OR12D2: variants seen among roughly 807,000 people sequenced by gnomAD.
OR12D2 encodes the protein olfactory receptor 12D2.
For missense variants in OR12D2, 345 were observed against 371.6 expected (o/e 0.93, Z 0.59); for synonymous variants, 146 against 142.3 (o/e 1.03, Z -0.19).
At position 29,397,390 on chromosome 6, in the gene OR12D2, A is replaced by G. The variant is rs1481154907; in HGVS notation, c.691A>G (p.Ser231Gly). 6 of 1,613,048 alleles carry G rather than the reference A, an allele frequency of 3.7e-6. No homozygotes were observed. The highest frequency in any genetic ancestry group is 2.2e-5 in the South Asian group (2 of 91,074). ...TYLFFKTRSC[S>G]MLCKALSTCA... ...TCTCTTCTTCAAGACCCGTTCTTGT[A>G]GCATGCTCTGTAAAGCACTGTCCAC... Residue 231 changes from serine (S) to glycine (G), a missense_variant, in exon 2 of 2, where the codon AGC (serine) becomes GGC (glycine). Physicochemically the swap from Ser to Gly is moderately conservative, Grantham distance 56. Transcript: ENST00000642051.
intron 1 of OR12D2, among the ~76,000 whole-genome samples, chr6:29,396,379 G>T (rs1244168010): frequency 6.6e-6 from 1 of 152,134 alleles, no homozygotes; most frequent in Non-Finnish European, 1.5e-5. Flanking sequence ...GATAGGAAAG[G>T]AAAGTTGTAA....
In OR12D2 at chr6:29,397,601, G is replaced by A; in HGVS notation, c.902G>A (p.Gly301Asp). 1.2e-6 allele frequency: 2 copies of A among 1,612,600 alleles called. No individual in the cohort carries two copies. The highest frequency in any genetic ancestry group is 1.1e-5 in the South Asian group (1 of 91,038). Reference protein sequence around the residue: ...LRNKEVKGALGRVIRRL With the variant: ...LRNKEVKGALDRVIRRL ...AACAAGGAAGTGAAGGGGGCCTTGG[G>A]TAGAGTGATCAGAAGGCTTTGATTT... is the stretch of plus-strand genomic sequence containing the variant. Residue 301 changes from glycine (G) to aspartate (D), a missense_variant, in exon 2 of 2, where the codon GGT (glycine) becomes GAT (aspartate). Gly to Asp is a moderately conservative substitution (Grantham distance 94). Coordinates refer to ENST00000642051, the MANE Select transcript of OR12D2 (RefSeq NM_013936.4).
Position 29,397,476 on chromosome 6 carries a change from C to G in OR12D2, c.777C>G (p.Ile259Met). Residue 259 changes from isoleucine to methionine, a missense_variant, in exon 2 of 2, where the codon ATC becomes ATG. Ile to Met is a conservative substitution (Grantham distance 10). Transcript: ENST00000642051. ...LFYAPVLFTYIHPALESFMDQ... is the reference protein window; with the variant it reads ...LFYAPVLFTYMHPALESFMDQ... ...ATGCACCTGTTCTTTTCACCTATAT[C>G]CATCCTGCGTTAGAGAGCTTCATGG... 1 of 1,613,056 alleles carries G rather than the reference C, an allele frequency of 6.2e-7. No homozygotes were observed. The highest frequency in any genetic ancestry group is 8.5e-7 in the Non-Finnish European group (1 of 1,180,028).
intron 1 of OR12D2, 84 bp from the exon 2 acceptor site, chr6:29,396,613 TC>T (rs1455860644): frequency 9.2e-7 from 1 of 1,084,838 alleles, no homozygotes; most frequent in Non-Finnish European, 1.4e-6. Flanking sequence ...CTTCCAAGTA[TC>T]TTTGGCTTGG....
Position 29,396,836 on chromosome 6 carries a change from T to C in OR12D2, c.137T>C (p.Ile46Thr), listed in dbSNP as rs771066377. 2 of 1,612,978 alleles carry C rather than the reference T, an allele frequency of 1.2e-6. No homozygotes were observed. Among genetic ancestry groups the C allele is most frequent in the South Asian group, 1.1e-5 (1 of 91,074 alleles). ...SVTGNGAVLM[I>T]VISDPRLHSL... The stretch of plus-strand genomic sequence containing the variant: ...ACTGGGAATGGAGCCGTTCTGATGA[T>C]TGTCATCTCCGATCCTAGACTCCAT... The change falls in exon 2 of 2, where the codon ATT (isoleucine) becomes ACT (threonine). Residue 46 changes from isoleucine (I) to threonine (T), a missense_variant. Transcript: ENST00000642051.
Position 29,397,198 on chromosome 6 carries a change from T to G in OR12D2, c.499T>G (p.Cys167Gly). 1 of 1,613,112 alleles carries G rather than the reference T, an allele frequency of 6.2e-7. No individual in the cohort carries two copies. The highest frequency in any genetic ancestry group is 8.5e-7 in the Non-Finnish European group (1 of 1,180,026). Residue 167 changes from cysteine (C) to glycine (G), a missense_variant, in exon 2 of 2, where the codon TGT (cysteine) becomes GGT (glycine). Cys to Gly is a radical substitution (Grantham distance 159). Coordinates refer to ENST00000642051, the MANE Select transcript of OR12D2 (RefSeq NM_013936.4). ...CGTAATGACTTCTCGCTTGAACTTCTGTGGTTCCAACCGTATCCATCATTT... is the reference window on the plus strand; with the variant it reads ...CGTAATGACTTCTCGCTTGAACTTCGGTGGTTCCAACCGTATCCATCATTT... ...HSVMTSRLNFCGSNRIHHFLC... is the reference protein window; with the variant it reads ...HSVMTSRLNFGGSNRIHHFLC...
Position 29,397,379 on chromosome 6 carries a change from C to T in OR12D2, c.680C>T (p.Thr227Ile). 1.2e-6 allele frequency: 2 copies of T among 1,613,046 alleles called. No homozygotes were observed. The highest frequency in any genetic ancestry group is 1.1e-5 in the South Asian group (1 of 91,072). Reference protein sequence around the residue: ...FYIITYLFFKTRSCSMLCKAL... With the variant: ...FYIITYLFFKIRSCSMLCKAL... ...ATTATCACTTATCTCTTCTTCAAGA[C>T]CCGTTCTTGTAGCATGCTCTGTAAA... is the stretch of plus-strand genomic sequence containing the variant. Residue 227 changes from threonine to isoleucine, a missense_variant, in exon 2 of 2, where the codon ACC (threonine) becomes ATC (isoleucine). Physicochemically the swap from Thr to Ile is moderately conservative, Grantham distance 89. Transcript: ENST00000642051.
At chr6:29,396,563 T>C (rs1780531835) in intron 1 of OR12D2, 135 bp from the exon 2 acceptor site, 1 of 723,664 alleles carries the variant, frequency 1.4e-6, no homozygotes, top group East Asian at 2.5e-5. Context: ...TAAGCTTCTA[T>C]ACAACTTCTG....
Position 29,397,211 on chromosome 6 carries a change from G to T in OR12D2, c.512G>T (p.Arg171Leu), listed in dbSNP as rs761158108. 6.2e-7 allele frequency: 1 copy of T among 1,612,872 alleles called. No homozygotes were observed. Among genetic ancestry groups the T allele is most frequent in the Non-Finnish European group, 8.5e-7 (1 of 1,180,040 alleles). The change falls in exon 2 of 2, where the codon CGT becomes CTT. Residue 171 changes from arginine (R) to leucine (L), a missense_variant. Arg to Leu is a moderately radical substitution (Grantham distance 102). Coordinates refer to ENST00000642051, the MANE Select transcript of OR12D2 (RefSeq NM_013936.4). The part of the protein sequence containing the change: ...TSRLNFCGSN[R>L]IHHFLCDIKP... ...CGCTTGAACTTCTGTGGTTCCAACC[G>T]TATCCATCATTTTCTCTGTGATATT...
chr6:29,397,839 G>T lies in OR12D2; in HGVS notation c.*216G>T. 1.9e-6 allele frequency: 1 copy of T among 515,040 alleles called. No individual in the cohort carries two copies. Among genetic ancestry groups the T allele is most frequent in the African/African-American group, 1.9e-5 (1 of 52,146 alleles). The allele number at this position is 515,040 out of a possible 1,614,324, so 31.9% of individuals were successfully genotyped here. Reference sequence around the variant, plus strand: ...AAGACACTAGCCATGGAACCCTAATGCTGAAAATTTTTTGGAATATCAGTT... The same window carrying T: ...AAGACACTAGCCATGGAACCCTAATTCTGAAAATTTTTTGGAATATCAGTT... On this transcript the variant is annotated 3_prime_UTR_variant, in exon 2 of 2. Transcript: ENST00000642051.
Position 29,397,330 on chromosome 6 carries a change from C to G in OR12D2, c.631C>G (p.Leu211Val), listed in dbSNP as rs755872859. Residue 211 changes from leucine to valine, a missense_variant, in exon 2 of 2, where the codon CTG becomes GTG. Physicochemically the swap from Leu to Val is conservative, Grantham distance 32 (BLOSUM62 1). Coordinates refer to ENST00000642051, the MANE Select transcript of OR12D2 (RefSeq NM_013936.4). ...TGTIAMGPFF[L>V]TLLSYFYIIT... The stretch of plus-strand genomic sequence containing the variant: ...GACAATTGCCATGGGCCCCTTCTTT[C>G]TGACACTTCTCTCCTATTTCTACAT... The G allele has an allele frequency of 3.1e-6, 5 of 1,613,106 alleles. No individual in the cohort carries two copies. Among genetic ancestry groups the G allele is most frequent in the Non-Finnish European group, 4.2e-6 (5 of 1,180,030 alleles).
At chr6:29,396,477 T>C (rs761232525) in intron 1 of OR12D2, 2 of 522,288 alleles carry the variant, frequency 3.8e-6, no homozygotes, top group Non-Finnish European at 6.7e-6. Flanking sequence ...ACGTTAATGA[T>C]AAACTTAATT....
At chr6:29,396,083 C>T (rs1208972746) in intron 1 of OR12D2, among the ~76,000 whole-genome samples, 1 of 151,620 alleles carries the variant, frequency 6.6e-6, no homozygotes, top group Admixed American at 6.6e-5. Context: ...GTTTTTATAT[C>T]TCTTTAAAGA....
At position 29,397,686 on chromosome 6, in the gene OR12D2, G is replaced by A; in HGVS notation, c.*63G>A. 2.2e-6 allele frequency: 3 copies of A among 1,384,624 alleles called. No individual in the cohort carries two copies. Among genetic ancestry groups the A allele is most frequent in the Non-Finnish European group, 3.0e-6 (3 of 1,010,940 alleles). The allele number at this position is 1,384,624 out of a possible 1,614,324, so 85.8% of individuals were successfully genotyped here. The stretch of plus-strand genomic sequence containing the variant: ...ACCAGCAATGAAAAAGTAGAGATGT[G>A]TAATTTTACTGCTTCTCAGATGGTT... On this transcript the variant is annotated 3_prime_UTR_variant, in exon 2 of 2. Transcript: ENST00000642051.
At position 29,396,838 on chromosome 6, in the gene OR12D2, G is replaced by A; in HGVS notation, c.139G>A (p.Val47Ile). 6.2e-7 allele frequency: 1 copy of A among 1,612,504 alleles called. No individual in the cohort carries two copies. Among genetic ancestry groups the A allele is most frequent in the South Asian group, 1.1e-5 (1 of 91,076 alleles). ...VTGNGAVLMI[V>I]ISDPRLHSLM... ...TGGGAATGGAGCCGTTCTGATGATT[G>A]TCATCTCCGATCCTAGACTCCATTC... Residue 47 changes from valine (V) to isoleucine (I), a missense_variant, in exon 2 of 2, where the codon GTC becomes ATC. Coordinates refer to ENST00000642051, the MANE Select transcript of OR12D2 (RefSeq NM_013936.4).
At chr6:29,396,062 A>G (rs898953366) in intron 1 of OR12D2, among the ~76,000 whole-genome samples, 1 of 151,876 alleles carries the variant, frequency 6.6e-6, no homozygotes, top group African/African-American at 2.4e-5. Context: ...AATTACTACT[A>G]TTTTAAAGAG....
Position 29,397,148 on chromosome 6 carries a change from G to T in OR12D2, c.449G>T (p.Gly150Val). The change falls in exon 2 of 2, where the codon GGT (glycine) becomes GTT (valine). Residue 150 changes from glycine to valine, a missense_variant. By Grantham distance (109) the Gly-to-Val change is moderately radical (BLOSUM62 -3). Transcript: ENST00000642051. ...TQMAITIWVI[G>V]FFHALLHSVM... ...ATGGCCATCACAATCTGGGTCATTG[G>T]TTTTTTCCATGCCCTGCTGCACTCC... The T allele has an allele frequency of 6.2e-7, 1 of 1,613,012 alleles. No homozygotes were observed. Among genetic ancestry groups the T allele is most frequent in the Non-Finnish European group, 8.5e-7 (1 of 1,179,998 alleles).
In OR12D2 at chr6:29,396,844, T is replaced by A. The variant is rs775904565; in HGVS notation, c.145T>A (p.Ser49Thr). 3 of 1,612,964 alleles carry A rather than the reference T, an allele frequency of 1.9e-6. No individual in the cohort carries two copies. Among genetic ancestry groups the A allele is most frequent in the Non-Finnish European group, 2.5e-6 (3 of 1,179,950 alleles). Residue 49 changes from serine (S) to threonine (T), a missense_variant, in exon 2 of 2, where the codon TCC becomes ACC. Transcript: ENST00000642051. ...GNGAVLMIVI[S>T]DPRLHSLMYF... ...TGGAGCCGTTCTGATGATTGTCATC[T>A]CCGATCCTAGACTCCATTCCCTTAT...
At chr6:29,396,513 A>G (rs1035471694) in intron 1 of OR12D2, 185 bp from the exon 2 acceptor site, 21 of 606,452 alleles carry the variant, frequency 3.5e-5, no homozygotes, top group Non-Finnish European at 5.9e-5. Flanking sequence ...GTCATAGTCC[A>G]TAATATGCAT....
Sources: gnomAD v4.1 joint callset for allele counts (sites outside exome capture counted in the v4.1 genomes callset) on GRCh38, gnomAD v4.1.1 for gene constraint, MANE v1.5 for transcripts, NCBI Gene and HGNC (gene_info 2026-07-23, HGNC 2026-07-21) for gene names.